EEF1G: variants seen among roughly 807,000 people sequenced by gnomAD.
The protein encoded by EEF1G is eukaryotic translation elongation factor 1 gamma.
EEF1G carries 14 observed loss-of-function variants against 58.3 expected under a neutral mutation model. The ratio of observed to expected loss-of-function variants is 0.24; its 90% confidence interval spans 0.16 to 0.38. The LOEUF (loss-of-function observed/expected upper bound fraction) is 0.38. Ranked by LOEUF, EEF1G falls within the 10% of genes least tolerant of loss-of-function variation. EEF1G has a pLI of 1.00. For synonymous variants in EEF1G, 180 were observed against 206.8 expected (o/e 0.87, Z 1.11); for missense variants, 322 against 550.1 (o/e 0.59, Z 4.15).
In EEF1G at chr11:62,567,025, G is replaced by A; in HGVS notation, c.653-15C>T. Reference sequence around the variant, plus strand: ...AAACTTTTTAGCTGGTGCAGAGGAAGGCAGGAAAGTGAACGAATGTTCTGC... The same window carrying A: ...AAACTTTTTAGCTGGTGCAGAGGAAAGCAGGAAAGTGAACGAATGTTCTGC... On this transcript the variant is annotated splice_polypyrimidine_tract_variant and intron_variant, in intron 6 of 9. Transcript: ENST00000329251. 3.7e-6 allele frequency: 6 copies of A among 1,613,194 alleles called. No homozygotes were observed. The highest frequency in any genetic ancestry group is 5.1e-6 in the Non-Finnish European group (6 of 1,179,436).
At chr11:62,571,939 C>T (rs745548258) in intron 2 of EEF1G, 38 bp from the exon 3 acceptor site, 1 of 1,547,366 alleles carries the variant, frequency 6.5e-7, no homozygotes, top group Non-Finnish European at 8.8e-7. Context: ...GTAAAACACA[C>T]AAAATTTCTT....
At chr11:62,562,275 G>C (rs1941504868) in intron 7 of EEF1G, among the ~76,000 whole-genome samples, 1 of 152,106 alleles carries the variant, frequency 6.6e-6, no homozygotes, top group African/African-American at 2.4e-5. Flanking sequence ...CCCTTCCTCA[G>C]GGCCGAGAGA....
Position 62,571,043 on chromosome 11 carries a change from C to T in EEF1G, c.444G>A (p.Thr148=), listed in dbSNP as rs753272618. The part of the protein sequence containing the change: ...ILGLLDAYLK[T]RTFLVGERVT... ...CTCGTTCGCCCACCAGAAAAGTCCT[C>T]GTCTTCAAGTAAGCATCCAGCAGCC... Residue 148 remains threonine (T), a synonymous_variant, in exon 5 of 10, where the codon ACG becomes ACA. Coordinates refer to ENST00000329251, the MANE Select transcript of EEF1G (RefSeq NM_001404.5). The T allele has an allele frequency of 6.6e-5, 107 of 1,613,852 alleles. No individual in the cohort carries two copies. The highest frequency in any genetic ancestry group is 1.8e-4 in the East Asian group (8 of 44,904).
At chr11:62,572,015 C>A (rs1590711876) in intron 2 of EEF1G, 114 bp from the exon 3 acceptor site, 1 of 904,154 alleles carries the variant, frequency 1.1e-6, no homozygotes. Context: ...TTCTCACTAT[C>A]CAAACTCTTG....
intron 5 of EEF1G, among the ~76,000 whole-genome samples, chr11:62,569,543 T>C (rs1416704113): frequency 2.0e-5 from 3 of 152,214 alleles, no homozygotes; most frequent in Non-Finnish European, 2.9e-5. Flanking sequence ...GTATTAAGCA[T>C]GGTCAAAGAA....
chr11:62,569,221 C>T (rs1289400240), intron 5 of EEF1G, among the ~76,000 whole-genome samples: 2 of 152,156 alleles, frequency 1.3e-5, no homozygotes, highest in Non-Finnish European at 2.9e-5. Flanking sequence ...CCCCGCAATC[C>T]CAGCACTTGG....
At chr11:62,569,537 T>C (rs1173955142) in intron 5 of EEF1G, among the ~76,000 whole-genome samples, 1 of 152,246 alleles carries the variant, frequency 6.6e-6, no homozygotes, top group African/African-American at 2.4e-5. Context: ...TCTGGTGTAT[T>C]AAGCATGGTC....
intron 7 of EEF1G, among the ~76,000 whole-genome samples, chr11:62,561,990 CACAA>C (rs1338149954): frequency 6.6e-6 from 1 of 152,204 alleles, no homozygotes; most frequent in Non-Finnish European, 1.5e-5. Context: ...AAGGTACTGG[CACAA>C]ACAATGTATG....
rs750880029 is a variant in EEF1G at position 62,567,402 on chromosome 11, C to A, written c.649G>T (p.Asp217Tyr). 1 of 1,611,050 alleles carries A rather than the reference C, an allele frequency of 6.2e-7. No homozygotes were observed. Among genetic ancestry groups the A allele is most frequent in the Non-Finnish European group, 8.5e-7 (1 of 1,178,448 alleles). The change falls in exon 6 of 10, where the codon GAT becomes TAT. Residue 217 changes from aspartate (D) to tyrosine (Y), a missense_variant. By Grantham distance (160) the Asp-to-Tyr change is radical (BLOSUM62 -3). This residue lies in a region of EEF1G where 208 missense variants were observed against 323.7 expected (regional missense o/e 0.64). Coordinates refer to ENST00000329251, the MANE Select transcript of EEF1G (RefSeq NM_001404.5). The stretch of plus-strand genomic sequence containing the variant: ...CTCCCAGTCTCCTCAGACTCACCAT[C>A]AAACTGGGCCATCTTCTCACACAGT... ...VKLCEKMAQF[D>Y]AKKFAETQPK...
At chr11:62,570,621 C>T (rs1291965254) in intron 5 of EEF1G, among the ~76,000 whole-genome samples, 2 of 152,246 alleles carry the variant, frequency 1.3e-5, no homozygotes, top group South Asian at 4.1e-4. Context: ...GTGGGGCGAT[C>T]GCTGCTCACT....
At chr11:62,569,925 T>C (rs1436244826) in intron 5 of EEF1G, among the ~76,000 whole-genome samples, 1 of 152,218 alleles carries the variant, frequency 6.6e-6, no homozygotes, top group Non-Finnish European at 1.5e-5. Flanking sequence ...CAGTGATTAT[T>C]ACTACCCTGA....
At chr11:62,567,262 A>C (rs576207234) in intron 6 of EEF1G, 137 bp downstream of exon 6, 319 of 1,212,798 alleles carry the variant, frequency 2.6e-4, no homozygotes, top group Non-Finnish European at 3.4e-4. Flanking sequence ...AACTGCACAT[A>C]ATATTAGCTA....
At chr11:62,571,410 A>C in intron 4 of EEF1G, 130 bp downstream of exon 4, 1 of 1,376,022 alleles carries the variant, frequency 7.3e-7, no homozygotes, top group Non-Finnish European at 9.7e-7. Context: ...CTCGTACCCT[A>C]GAGATTACGT....
rs1941622931 is a variant in EEF1G, at chr11:62,570,947, AT to A, written c.522+17del. 6.2e-7 allele frequency: 1 copy of A among 1,613,556 alleles called. No homozygotes were observed. Among genetic ancestry groups the A allele is most frequent in the East Asian group, 2.2e-5 (1 of 44,882 alleles). On this transcript the variant is annotated intron_variant, in intron 5 of 9. Coordinates refer to ENST00000329251, the MANE Select transcript of EEF1G (RefSeq NM_001404.5). ...TCCCCATCTACCCACTGCCAAATGG[AT>A]TTTCCATAAACTTCACCTGCTTATA...
chr11:62,573,818 C>G lies in EEF1G; in HGVS notation c.12+13G>C, dbSNP rs1941667723. 2.5e-6 allele frequency: 4 copies of G among 1,613,546 alleles called. No individual in the cohort carries two copies. Among genetic ancestry groups the G allele is most frequent in the Middle Eastern group, 1.6e-4 (1 of 6,080 alleles). On this transcript the variant is annotated intron_variant, in intron 1 of 9. Transcript: ENST00000329251. ...GATAGGATGACCCGAACCACCAGAG[C>G]CAGCAAACTTACCCCAGCCGCCATG...
At chr11:62,568,085 G>A (rs1941578926) in intron 5 of EEF1G, among the ~76,000 whole-genome samples, 1 of 151,688 alleles carries the variant, frequency 6.6e-6, no homozygotes, top group Admixed American at 6.6e-5. Context: ...AAAATTAGCT[G>A]GGCGTGATGG....
intron 5 of EEF1G, among the ~76,000 whole-genome samples, chr11:62,569,482 C>CATAA (rs1209836478): frequency 1.5e-3 from 222 of 152,162 alleles, no homozygotes; most frequent in African/African-American, 5.0e-3. Context: ...AAAATAAATA[C>CATAA]ATAAATAAAT....
At chr11:62,572,773 G>A (rs1941650942) in intron 1 of EEF1G, 31 bp from the exon 2 acceptor site, 1 of 1,590,086 alleles carries the variant, frequency 6.3e-7, no homozygotes, top group Non-Finnish European at 8.6e-7. Flanking sequence ...CAAAATTAAT[G>A]AGTAGAAGGG....
intron 4 of EEF1G, 118 bp downstream of exon 4, chr11:62,571,422 T>C (rs1941629545): frequency 3.5e-6 from 5 of 1,418,032 alleles, no homozygotes; most frequent in Non-Finnish European, 4.7e-6. Context: ...AGATTACGTC[T>C]TCTCATTGCC....
Sources: allele counts gnomAD v4.1 joint callset (sites outside exome capture counted in the v4.1 genomes callset), GRCh38; gene constraint gnomAD v4.1.1; regional missense constraint gnomAD v4.1.1; transcripts MANE v1.5; gene names NCBI Gene and HGNC (gene_info 2026-07-23, HGNC 2026-07-21).